HAPLN4: variants seen among roughly 807,000 people sequenced by gnomAD.
The protein encoded by HAPLN4 is hyaluronan and proteoglycan link protein 4, also known as brain link protein 2.
In HAPLN4, 19 loss-of-function variants were observed where a neutral mutation model predicts 28.0. The ratio of observed to expected loss-of-function variants is 0.68; its 90% CI spans 0.47 to 1.00. The LOEUF is 1.00. Among genes scored for constraint, HAPLN4 ranks in the 50% least tolerant of loss-of-function variants. The pLI is 0.00. For synonymous variants in HAPLN4, 274 were observed against 273.0 expected (o/e 1.00, Z -0.03); for missense variants, 587 against 602.6 (o/e 0.97, Z 0.27).
At position 19,258,547 on chromosome 19, in the gene HAPLN4, A is replaced by T; in HGVS notation, c.793T>A (p.Phe265Ile). The T allele has an allele frequency of 6.2e-7, 1 of 1,613,602 alleles. No homozygotes were observed. Among genetic ancestry groups the T allele is most frequent in the Non-Finnish European group, 8.5e-7 (1 of 1,179,878 alleles). The part of the protein sequence containing the change: ...RHNAEERYDA[F>I]CFTSNLPGRV... ...CCCGGCAGGTTGGACGTGAAGCAGA[A>T]GGCGTCGTAGCGTTCCTCGGCGTTA... Residue 265 changes from phenylalanine (F) to isoleucine (I), a missense_variant, in exon 4 of 5, where the codon TTC (phenylalanine) becomes ATC (isoleucine). Phe to Ile is a conservative substitution (Grantham distance 21). Transcript: ENST00000291481. This position sits in a 1 kb window ranked among gnomAD's most constrained non-coding sequence, Gnocchi z 6.2.
Position 19,261,527 on chromosome 19 carries a change from A to G in HAPLN4, c.40T>C (p.Trp14Arg). 4 of 1,605,598 alleles carry G rather than the reference A, an allele frequency of 2.5e-6. No individual in the cohort carries two copies. The South Asian group carries it at 4.4e-5, about 18-fold the overall frequency. ...AGCAGGACGCCCCAGGCCGCGGCCCAGAGCGCGCCGGGACCGAGGGCCGCC... is the reference window on the plus strand; with the variant it reads ...AGCAGGACGCCCCAGGCCGCGGCCCGGAGCGCGCCGGGACCGAGGGCCGCC... ...ARAALGPGAL[W>R]AAAWGVLLLT... is the part of the protein sequence containing the mutation. Residue 14 changes from tryptophan (W) to arginine (R), a missense_variant, in exon 2 of 5, where the codon TGG becomes CGG. Coordinates refer to ENST00000291481, the MANE Select transcript of HAPLN4 (RefSeq NM_023002.3).
rs985154268 is a variant in HAPLN4, at chr19:19,261,232, G to A, written c.122-57C>T. On this transcript the variant is annotated intron_variant, in intron 2 of 4. Coordinates refer to ENST00000291481, the MANE Select transcript of HAPLN4 (RefSeq NM_023002.3). ...GGCCTAGGGGCAGAAGGGGGCCTCT[G>A]GGGAAGGTGTCTCTGGGGAGGGGAA... The A allele has an allele frequency of 5.2e-6, 8 of 1,539,658 alleles. No individual in the cohort carries two copies. In the African/African-American group the frequency reaches 8.2e-5, roughly 16 times the overall value.
chr19:19,260,791 A>T, intron 3 of HAPLN4, 22 bp downstream of exon 3: 1 of 1,595,248 alleles, frequency 6.3e-7, no homozygotes, highest in Non-Finnish European at 8.6e-7. Flanking sequence ...AGCAAGGTTT[A>T]TCCTCCCCAC....
rs913299782 is a variant in HAPLN4, at chr19:19,258,647, G to A, written c.693C>T (p.Gly231=). 2 of 1,611,112 alleles carry A rather than the reference G, an allele frequency of 1.2e-6. No homozygotes were observed. The highest frequency in any genetic ancestry group is 1.3e-5 in the African/African-American group (1 of 74,860). The part of the protein sequence containing the change: ...YPVNRPREPC[G]GLGGTGSAGG... ...CTGCACTCCCGGTCCCCCCCAGGCC[G>A]CCGCAGGGCTCCCGGGGCCGGTTCA... Residue 231 remains glycine (G), a synonymous_variant, in exon 4 of 5, where the codon GGC becomes GGT. Coordinates refer to ENST00000291481, the MANE Select transcript of HAPLN4 (RefSeq NM_023002.3). This position sits in a 1 kb window ranked among gnomAD's most constrained non-coding sequence, Gnocchi z 6.2.
chr19:19,259,849 A>C (rs2060977569), intron 3 of HAPLN4, among the ~76,000 whole-genome samples: 1 of 152,196 alleles, frequency 6.6e-6, no homozygotes, highest in Non-Finnish European at 1.5e-5. Context: ...AATTCTTCAA[A>C]TAGAAACCCC....
Position 19,255,755 on chromosome 19 carries a change from T to C in HAPLN4, c.*2062A>G, listed in dbSNP as rs2060963581. 2 of 151,656 alleles carry C rather than the reference T, an allele frequency of 1.3e-5. No homozygotes were observed. Among genetic ancestry groups the C allele is most frequent in the Admixed American group, 6.6e-5 (1 of 15,234 alleles). The allele number at this position is 151,656 out of a possible 1,614,324, so 9.4% of individuals were successfully genotyped here. ...TGGGAGAACACAGGTTCAGAAGGAG[T>C]TTGTCACTTGGTCACACAGTGAGCA... On this transcript the variant is annotated 3_prime_UTR_variant, in exon 5 of 5. Transcript: ENST00000291481.
In HAPLN4 at chr19:19,257,911, G is replaced by C. The variant is rs1482990845; in HGVS notation, c.1115C>G (p.Pro372Arg). 3.3e-6 allele frequency: 5 copies of C among 1,500,426 alleles called. No homozygotes were observed. The highest frequency in any genetic ancestry group is 5.3e-5 in the East Asian group (2 of 37,446). The allele number at this position is 1,500,426 out of a possible 1,614,324, so 92.9% of individuals were successfully genotyped here. The change falls in exon 5 of 5, where the codon CCG (proline) becomes CGG (arginine). Residue 372 changes from proline to arginine, a missense_variant. Pro to Arg is a moderately radical substitution (Grantham distance 103). Coordinates refer to ENST00000291481, the MANE Select transcript of HAPLN4 (RefSeq NM_023002.3). ...YCYRAPGAPD[P>R]APGGWGWGWA... ...GCCCCAGCCCCAGCCGCCAGGTGCCGGGTCCGGTGCTCCTGGAGCGCGGTA... is the reference window on the plus strand; with the variant it reads ...GCCCCAGCCCCAGCCGCCAGGTGCCCGGTCCGGTGCTCCTGGAGCGCGGTA...
chr19:19,258,671 C>G lies in HAPLN4; in HGVS notation c.669G>C (p.Val223=), dbSNP rs2060974392. The change falls in exon 4 of 5, where the codon GTG becomes GTC. Residue 223 remains valine, a synonymous_variant. Coordinates refer to ENST00000291481, the MANE Select transcript of HAPLN4 (RefSeq NM_023002.3). This position sits in a 1 kb window ranked among gnomAD's most constrained non-coding sequence, Gnocchi z 6.2. The part of the protein sequence containing the change: ...WLRDGSVQYP[V]NRPREPCGGL... Reference sequence around the variant, plus strand: ...CGCCGCAGGGCTCCCGGGGCCGGTTCACGGGGTATTGCACTGAGCCGTCGC... The same window carrying G: ...CGCCGCAGGGCTCCCGGGGCCGGTTGACGGGGTATTGCACTGAGCCGTCGC... The G allele has an allele frequency of 6.2e-7, 1 of 1,609,728 alleles. No homozygotes were observed. Among genetic ancestry groups the G allele is most frequent in the African/African-American group, 1.3e-5 (1 of 74,834 alleles).
chr19:19,258,637 C>T lies in HAPLN4; in HGVS notation c.703G>A (p.Gly235Arg), dbSNP rs1295094379. Residue 235 changes from glycine (G) to arginine (R), a missense_variant, in exon 4 of 5, where the codon GGG becomes AGG. Physicochemically the swap from Gly to Arg is moderately radical, Grantham distance 125. Transcript: ENST00000291481. The surrounding 1 kb of genome is among the most constrained non-coding windows in gnomAD (Gnocchi z 6.2). ...CCGCCGCCCCCTGCACTCCCGGTCC[C>T]CCCCAGGCCGCCGCAGGGCTCCCGG... is the stretch of plus-strand genomic sequence containing the variant. ...RPREPCGGLG[G>R]TGSAGGGGDA... 1 of 1,612,044 alleles carries T rather than the reference C, an allele frequency of 6.2e-7. No individual in the cohort carries two copies. The highest frequency in any genetic ancestry group is 8.5e-7 in the Non-Finnish European group (1 of 1,179,134).
chr19:19,259,567 A>G (rs1414556923), intron 3 of HAPLN4, among the ~76,000 whole-genome samples: 1 of 152,068 alleles, frequency 6.6e-6, no homozygotes, highest in South Asian at 2.1e-4. Flanking sequence ...TCTGCCACCA[A>G]CTAGCACTGT....
chr19:19,257,707 C>T lies in HAPLN4; in HGVS notation c.*110G>A, dbSNP rs889781081. On this transcript the variant is annotated 3_prime_UTR_variant, in exon 5 of 5. Coordinates refer to ENST00000291481, the MANE Select transcript of HAPLN4 (RefSeq NM_023002.3). ...GGGGCACAGTTAGTTTGTAAGGGAC[C>T]ACAGGGAATGTGGCCAGTGTCCAGG... 5 of 1,264,390 alleles carry T rather than the reference C, an allele frequency of 4.0e-6. No individual in the cohort carries two copies. The Admixed American group carries it at 1.8e-4, about 46-fold the overall frequency. 78.3% of individuals were successfully genotyped at this position (1,264,390 alleles called of 1,614,324 possible). A position where few individuals can be genotyped will look rare whatever the true frequency, so the allele number is the denominator to read the frequency against.
Position 19,257,077 on chromosome 19 carries a change from G to A in HAPLN4, c.*740C>T, listed in dbSNP as rs2060967734. 6.6e-6 allele frequency: 1 copy of A among 152,302 alleles called. No individual in the cohort carries two copies. The highest frequency in any genetic ancestry group is 6.5e-5 in the Admixed American group (1 of 15,268). 9.4% of individuals were successfully genotyped at this position (152,302 alleles called of 1,614,324 possible). A position where few individuals can be genotyped will look rare whatever the true frequency, so the allele number is the denominator to read the frequency against. Reference sequence around the variant, plus strand: ...CTCTCCCTTCAAAGAAATATCTGAGGGGTGGGACGTGGCCCCCAGTAAGTG... The same window carrying A: ...CTCTCCCTTCAAAGAAATATCTGAGAGGTGGGACGTGGCCCCCAGTAAGTG... On this transcript the variant is annotated 3_prime_UTR_variant, in exon 5 of 5. Coordinates refer to ENST00000291481, the MANE Select transcript of HAPLN4 (RefSeq NM_023002.3).
chr19:19,258,968 C>G lies in HAPLN4; in HGVS notation c.485-113G>C, dbSNP rs1275799485. On this transcript the variant is annotated intron_variant, in intron 3 of 4. Transcript: ENST00000291481. This position sits in a 1 kb window ranked among gnomAD's most constrained non-coding sequence, Gnocchi z 6.2. ...GGACCTTTCAGTCCATTCCTCCTCA[C>G]TCTGGCCTCAGACCTGACCACGATC... 4 of 870,488 alleles carry G rather than the reference C, an allele frequency of 4.6e-6. No individual in the cohort carries two copies. The highest frequency in any genetic ancestry group is 5.1e-6 in the Non-Finnish European group (3 of 586,810). 53.9% of individuals were successfully genotyped at this position (870,488 alleles called of 1,614,324 possible). A position where few individuals can be genotyped will look rare whatever the true frequency, so the allele number is the denominator to read the frequency against.
rs750075325 is a variant in HAPLN4, at chr19:19,257,873, C to T, written c.1153G>A (p.Gly385Ser). The change falls in exon 5 of 5, where the codon GGC (glycine) becomes AGC (serine). Residue 385 changes from glycine to serine, a missense_variant. Physicochemically the swap from Gly to Ser is moderately conservative, Grantham distance 56. Transcript: ENST00000291481. Reference sequence around the variant, plus strand: ...TCGCGCGCGCCCCCTGCCCAGCCGCCGCCGCCCGCCCAGCCCCAGCCCCAG... The same window carrying T: ...TCGCGCGCGCCCCCTGCCCAGCCGCTGCCGCCCGCCCAGCCCCAGCCCCAG... ...GGWGWGWAGG[G>S]GWAGGARDPA... The T allele has an allele frequency of 2.8e-6, 4 of 1,441,724 alleles. No homozygotes were observed. In the East Asian group the frequency reaches 8.3e-5, roughly 30 times the overall value. The allele number at this position is 1,441,724 out of a possible 1,614,324, so 89.3% of individuals were successfully genotyped here.
In HAPLN4 at chr19:19,261,533, C is replaced by G; in HGVS notation, c.34G>C (p.Ala12Pro). The G allele has an allele frequency of 6.3e-7, 1 of 1,595,412 alleles. No individual in the cohort carries two copies. The highest frequency in any genetic ancestry group is 2.3e-5 in the East Asian group (1 of 44,030). ...VCARAALGPGALWAAAWGVLL... is the reference protein window; with the variant it reads ...VCARAALGPGPLWAAAWGVLL... ...ACGCCCCAGGCCGCGGCCCAGAGCG[C>G]GCCGGGACCGAGGGCCGCCCGAGCG... The change falls in exon 2 of 5, where the codon GCG becomes CCG. Residue 12 changes from alanine (A) to proline (P), a missense_variant. Transcript: ENST00000291481.
chr19:19,258,608 A>G lies in HAPLN4; in HGVS notation c.732T>C (p.Asp244=), dbSNP rs931479537. The stretch of plus-strand genomic sequence containing the variant: ...CGTAGTTGCGCAGGCCCCCGTTGGC[A>G]TCACCGCCGCCCCCTGCACTCCCGG... ...GGTGSAGGGG[D]ANGGLRNYGY... Residue 244 remains aspartate, a synonymous_variant, in exon 4 of 5, where the codon GAT becomes GAC. Coordinates refer to ENST00000291481, the MANE Select transcript of HAPLN4 (RefSeq NM_023002.3). The surrounding 1 kb of genome is among the most constrained non-coding windows in gnomAD (Gnocchi z 6.2). 3.1e-6 allele frequency: 5 copies of G among 1,613,376 alleles called. No individual in the cohort carries two copies. The highest frequency in any genetic ancestry group is 4.2e-6 in the Non-Finnish European group (5 of 1,179,758).
chr19:19,258,465 G>T lies in HAPLN4; in HGVS notation c.817+58C>A, dbSNP rs1005952177. ...CGCTAAGAGCTGGGTGGGGAAGAAG[G>T]CCCCGGGGTTGGGGTAGTGTTGCAG... On this transcript the variant is annotated intron_variant, in intron 4 of 4. Coordinates refer to ENST00000291481, the MANE Select transcript of HAPLN4 (RefSeq NM_023002.3). This position sits in a 1 kb window ranked among gnomAD's most constrained non-coding sequence, Gnocchi z 6.2. The T allele has an allele frequency of 1.2e-5, 19 of 1,528,306 alleles. No homozygotes were observed. Among genetic ancestry groups the T allele is most frequent in the Non-Finnish European group, 1.7e-5 (19 of 1,112,890 alleles). The allele number at this position is 1,528,306 out of a possible 1,614,324, so 94.7% of individuals were successfully genotyped here.
rs1170865398 is a variant in HAPLN4, at chr19:19,257,580, G to A, written c.*237C>T. 2 of 407,480 alleles carry A rather than the reference G, an allele frequency of 4.9e-6. No individual in the cohort carries two copies. The highest frequency in any genetic ancestry group is 4.2e-5 in the African/African-American group (2 of 48,144). The allele number at this position is 407,480 out of a possible 1,614,324, so 25.2% of individuals were successfully genotyped here. On this transcript the variant is annotated 3_prime_UTR_variant, in exon 5 of 5. Coordinates refer to ENST00000291481, the MANE Select transcript of HAPLN4 (RefSeq NM_023002.3). ...CGTGACCCTCATGGAGAAAGTTGGG[G>A]AGTTGGGGGAATCCTCTATCCAGAA...
intron 3 of HAPLN4, among the ~76,000 whole-genome samples, 158 bp downstream of exon 3, chr19:19,260,655 C>A (rs993538375): frequency 2.6e-5 from 4 of 152,332 alleles, no homozygotes; most frequent in Admixed American, 2.6e-4. Flanking sequence ...TCGCCAATGT[C>A]CCTGGGGAGG....
Sources: gnomAD v4.1 joint callset for allele counts (sites outside exome capture counted in the v4.1 genomes callset) on GRCh38, gnomAD v4.1.1 for gene constraint, Gnocchi (gnomAD v3.1) non-coding constraint, MANE v1.5 for transcripts, NCBI Gene and HGNC (gene_info 2026-07-23, HGNC 2026-07-21) for gene names.